Variants in KDM5D observed in about 807,000 individuals in gnomAD.
KDM5D encodes the protein lysine-specific demethylase 5D.
Under a neutral mutation model 31.9 loss-of-function variants are expected in KDM5D, and 25 were observed. That is an observed-to-expected ratio of 0.78 (90% confidence interval 0.57 to 1.09). The LOEUF is 1.09. Ranked by LOEUF, KDM5D falls within the 50% of genes least tolerant of loss-of-function variation. The pLI is 0.00. For synonymous variants in KDM5D, 146 were observed against 122.3 expected, an observed-to-expected ratio of 1.19 and a Z score of -1.28; for missense variants, 366 against 341.6, an observed-to-expected ratio of 1.07 and a Z score of -0.56.
chrY:19,710,234 A>G, intron 19 of KDM5D, 142 bp downstream of exon 19: 2 of 371,923 alleles, frequency 5.4e-6, no homozygotes, highest in African/African-American at 6.7e-5. Flanking sequence ...ATGGGAACAC[A>G]TATCTCCGCC....
intron 5 of KDM5D, 93 bp from the exon 6 acceptor site, chrY:19,739,755 T>C: frequency 4.8e-6 from 1 of 207,737 alleles, no homozygotes; most frequent in South Asian, 4.7e-5. Flanking sequence ...AAGCTGTAGT[T>C]CTTTCTAAAT....
At chrY:19,708,678 C>T (rs1198796123) in intron 21 of KDM5D, among the ~76,000 whole-genome samples, 197 bp downstream of exon 21, 1 of 33,744 alleles carries the variant, frequency 3.0e-5, no homozygotes, top group African/African-American at 1.2e-4. Context: ...TATCAATAGT[C>T]TCTGCTTAGG....
rs1034100630 is a variant in KDM5D at position 19,743,185 on chromosome Y, C to T, written c.205G>A (p.Val69Ile). 14 of 390,247 alleles carry T rather than the reference C, an allele frequency of 3.6e-5. No homozygotes were observed. Among genetic ancestry groups the T allele is most frequent in the Non-Finnish European group, 4.7e-5 (13 of 278,726 alleles). ...ACCTCCAGTTCATTTAGCCTTTGGA[C>T]GCGAGGAGTAAATCTGAAATTGTCA... ...EVDNFRFTPR[V>I]QRLNELEAQT... Residue 69 changes from valine (V) to isoleucine (I), a missense_variant, in exon 3 of 27, where the codon GTC becomes ATC. By Grantham distance (29) the Val-to-Ile change is conservative (BLOSUM62 3). Coordinates refer to ENST00000317961, the MANE Select transcript of KDM5D (RefSeq NM_004653.5).
rs755199132 is a variant in KDM5D at position 19,741,322 on chromosome Y, T to C, written c.518A>G (p.His173Arg). 2 of 392,822 alleles carry C rather than the reference T, an allele frequency of 5.1e-6. No homozygotes were observed. Among genetic ancestry groups the C allele is most frequent in the Admixed American group, 7.6e-5 (1 of 13,166 alleles). ...PYEMFQSGAN[H>R]VQCNTHPFDN... ...AACCAGTTTAAGGGCCCTCACCACA[T>C]GGTTGGCTCCAGACTGAAACATTTC... is the stretch of plus-strand genomic sequence containing the variant. The change falls in exon 5 of 27, where the codon CAT (histidine) becomes CGT (arginine). Residue 173 changes from histidine (H) to arginine (R), a missense_variant. By Grantham distance (29) the His-to-Arg change is conservative (BLOSUM62 0). Coordinates refer to ENST00000317961, the MANE Select transcript of KDM5D (RefSeq NM_004653.5).
chrY:19,716,052 G>A, intron 15 of KDM5D, 48 bp from the exon 16 acceptor site: 1 of 334,689 alleles, frequency 3.0e-6, no homozygotes, highest in Non-Finnish European at 4.4e-6. Context: ...GAGTAGGGTT[G>A]TGGACACCCC....
At chrY:19,711,869 T>C in intron 18 of KDM5D, among the ~76,000 whole-genome samples, 1 of 32,787 alleles carries the variant, frequency 3.0e-5, no homozygotes, top group Non-Finnish European at 7.5e-5. Context: ...GATGGACTAT[T>C]TAAAAAGCTT....
At chrY:19,725,047 A>C in intron 11 of KDM5D, among the ~76,000 whole-genome samples, 14 of 33,530 alleles carry the variant, frequency 4.2e-4, no homozygotes, top group Admixed American at 3.8e-3. Flanking sequence ...GCACTGCTCA[A>C]GGAAATCAGA....
At position 19,704,054 on chromosome Y, in the gene KDM5D, T is replaced by G. The variant is rs2045216864; in HGVS notation, c.*1941A>C. 1 of 33,943 alleles carries G rather than the reference T, an allele frequency of 2.9e-5. No homozygotes were observed. Among genetic ancestry groups the G allele is most frequent in the Non-Finnish European group, 7.3e-5 (1 of 13,700 alleles). 8.5% of individuals were successfully genotyped at this position (33,943 alleles called of 400,897 possible). On this transcript the variant is annotated 3_prime_UTR_variant, in exon 27 of 27. Coordinates refer to ENST00000317961, the MANE Select transcript of KDM5D (RefSeq NM_004653.5). ...AAATTCTTGCCTATGTGCAAAAACT[T>G]AGTGCTGCATCCTTGTGTATGGTTT... is the stretch of plus-strand genomic sequence containing the variant.
chrY:19,714,099 T>G, intron 18 of KDM5D, among the ~76,000 whole-genome samples: 2 of 32,900 alleles, frequency 6.1e-5, no homozygotes, highest in Non-Finnish European at 1.5e-4. Flanking sequence ...AGATAAATGA[T>G]GAGAACACAT....
intron 13 of KDM5D, among the ~76,000 whole-genome samples, chrY:19,718,341 A>G: frequency 5.8e-5 from 2 of 34,578 alleles, no homozygotes; most frequent in Non-Finnish European, 1.5e-4. Flanking sequence ...ATGGATAAGT[A>G]GAATGTGATC....
chrY:19,705,221 T>G lies in KDM5D; in HGVS notation c.*774A>C, dbSNP rs2045219064. ...AAGTGTAGGACAGGTAAGTTTTCTA[T>G]TGCTGGTGCTGGGTCAACTGGACAT... is the stretch of plus-strand genomic sequence containing the variant. On this transcript the variant is annotated 3_prime_UTR_variant, in exon 27 of 27. Transcript: ENST00000317961. 2 of 33,651 alleles carry G rather than the reference T, an allele frequency of 5.9e-5. No individual in the cohort carries two copies. Among genetic ancestry groups the G allele is most frequent in the African/African-American group, 1.2e-4 (1 of 8,647 alleles). The allele number at this position is 33,651 out of a possible 400,897, so 8.4% of individuals were successfully genotyped here. A position where few individuals can be genotyped will look rare whatever the true frequency, so the allele number is the denominator to read the frequency against.
chrY:19,713,894 C>T, intron 18 of KDM5D, among the ~76,000 whole-genome samples: 2 of 33,320 alleles, frequency 6.0e-5, no homozygotes. Flanking sequence ...GACATGAAAT[C>T]AACCTAAATG....
Position 19,715,734 on chromosome Y carries a change from C to T in KDM5D, c.2219G>A (p.Arg740Gln), listed in dbSNP as rs1395746660. 4 of 398,325 alleles carry T rather than the reference C, an allele frequency of 1.0e-5. No homozygotes were observed. Among genetic ancestry groups the T allele is most frequent in the Non-Finnish European group, 1.4e-5 (4 of 283,416 alleles). ...CSSSRQYLRYRYTLDELPTML... is the reference protein window; with the variant it reads ...CSSSRQYLRYQYTLDELPTML... ...GGTGGGGAGCTCATCCAAGGTGTAC[C>T]GATACCTAGAGGAAGAAAGCCGGGA... Residue 740 changes from arginine (R) to glutamine (Q), a missense_variant, in exon 17 of 27, where the codon CGG (arginine) becomes CAG (glutamine). Physicochemically the swap from Arg to Gln is conservative, Grantham distance 43. Coordinates refer to ENST00000317961, the MANE Select transcript of KDM5D (RefSeq NM_004653.5).
chrY:19,712,232 T>C (rs2045303065), intron 18 of KDM5D, among the ~76,000 whole-genome samples: 2 of 33,535 alleles, frequency 6.0e-5, no homozygotes, highest in Non-Finnish European at 1.5e-4. Context: ...GCTTTATTAT[T>C]TTTTATATAG....
chrY:19,741,946 T>C, intron 3 of KDM5D, 89 bp from the exon 4 acceptor site: 1 of 199,858 alleles, frequency 5.0e-6, no homozygotes. Context: ...TATTCTATGC[T>C]ATCTACACTT....
intron 5 of KDM5D, among the ~76,000 whole-genome samples, chrY:19,740,609 C>T: frequency 3.0e-5 from 1 of 33,662 alleles, no homozygotes; most frequent in African/African-American, 1.2e-4. Flanking sequence ...TTTCCACACC[C>T]TGAGTTAAAC....
At chrY:19,720,353 A>C in intron 13 of KDM5D, among the ~76,000 whole-genome samples, 1 of 33,483 alleles carries the variant, frequency 3.0e-5, no homozygotes, top group East Asian at 7.8e-4. Flanking sequence ...GATGGCCAGG[A>C]AAGTTATAAA....
chrY:19,721,424 G>T, intron 11 of KDM5D, 113 bp from the exon 12 acceptor site: 13 of 173,716 alleles, frequency 7.5e-5, no homozygotes, highest in Non-Finnish European at 1.4e-4. Flanking sequence ...TGCTGCCTCT[G>T]GTATTCCTGG....
intron 11 of KDM5D, 48 bp from the exon 12 acceptor site, chrY:19,721,359 G>A: frequency 6.9e-6 from 2 of 288,173 alleles, no homozygotes; most frequent in Non-Finnish European, 1.1e-5. Context: ...AGGATACGAT[G>A]AGGAGAGGCA....
Sources: allele counts gnomAD v4.1 joint callset (sites outside exome capture counted in the v4.1 genomes callset), GRCh38; gene constraint gnomAD v4.1.1; transcripts MANE v1.5; gene names NCBI Gene and HGNC (gene_info 2026-07-23, HGNC 2026-07-21).